The following CACNB2 variants were observed in gnomAD, a reference collection of about 807,000 sequenced individuals.
The protein encoded by CACNB2 is calcium voltage-gated channel auxiliary subunit beta 2.
In CACNB2, 42 loss-of-function variants were observed where a neutral mutation model predicts 73.3. The ratio of observed to expected loss-of-function variants is 0.57; its 90% CI spans 0.45 to 0.74. The LOEUF (loss-of-function observed/expected upper bound fraction) is 0.74, where lower values mean the gene tolerates loss of function less well. Among genes scored for constraint, CACNB2 ranks in the 30% least tolerant of loss-of-function variants. CACNB2 has a pLI of 0.00. For synonymous variants in CACNB2, 348 were observed against 310.3 expected (o/e 1.12, Z -1.28); for missense variants, 940 against 853.0 (o/e 1.10, Z -1.27).
At chr10:18,434,069 C>T (rs1439069767) in intron 3 of CACNB2, among the ~76,000 whole-genome samples, 1 of 152,016 alleles carries the variant, frequency 6.6e-6, no homozygotes, top group Non-Finnish European at 1.5e-5. Flanking sequence ...ATGTTTTATA[C>T]AGAAAAACCA....
chr10:18,401,153 C>T (rs1204215493), intron 2 of CACNB2: 2 of 1,608,650 alleles, frequency 1.2e-6, no homozygotes, highest in Non-Finnish European at 1.7e-6. Flanking sequence ...CTCTGCTTTT[C>T]TGTTGTTGCA....
At chr10:18,410,021 C>T (rs2044528767) in intron 3 of CACNB2, among the ~76,000 whole-genome samples, 1 of 152,020 alleles carries the variant, frequency 6.6e-6, no homozygotes, top group South Asian at 2.1e-4. Context: ...CTGATAAGTC[C>T]AATGTCCAGT....
At chr10:18,441,163 G>A (rs1175750655) in intron 3 of CACNB2, among the ~76,000 whole-genome samples, 1 of 152,034 alleles carries the variant, frequency 6.6e-6, no homozygotes, top group African/African-American at 2.4e-5. Flanking sequence ...CCAGCACTTT[G>A]GGAGGCCAAG....
intron 2 of CACNB2, among the ~76,000 whole-genome samples, chr10:18,251,074 A>C (rs192639188): frequency 7.9e-5 from 12 of 152,290 alleles, no homozygotes; most frequent in Non-Finnish European, 1.5e-4. Flanking sequence ...TATTTATCTG[A>C]AGCTCATTGA....
At chr10:18,397,333 C>CG (rs1384904510) in intron 2 of CACNB2, among the ~76,000 whole-genome samples, 6 of 151,976 alleles carry the variant, frequency 3.9e-5, no homozygotes, top group Non-Finnish European at 7.4e-5. Flanking sequence ...GGCCTGGTGG[C>CG]GCATGCCTGT....
chr10:18,258,320 G>T (rs935526341), intron 2 of CACNB2, among the ~76,000 whole-genome samples: 1 of 152,066 alleles, frequency 6.6e-6, no homozygotes, highest in Non-Finnish European at 1.5e-5. Flanking sequence ...ATCATAGAGG[G>T]GATAGATCAT....
rs76353950 is a variant in CACNB2 at position 18,339,704 on chromosome 10, G to A, written c.214-62220G>A. Among the ~76,000 whole-genome samples, 223 of 152,272 alleles carry A rather than the reference G, an allele frequency of 1.5e-3. 1 individual carries two copies. Among genetic ancestry groups the A allele is most frequent in the African/African-American group, 5.2e-3 (215 of 41,552 alleles). ...GCACAAAAGCAGCCATGGAGCATAC[G>A]TAAATGAACAAGCCCGTATGTTCCA... is the stretch of plus-strand genomic sequence containing the variant. On this transcript the variant is annotated intron_variant, in intron 2 of 13. Coordinates refer to ENST00000324631, the MANE Select transcript of CACNB2 (RefSeq NM_201596.3).
At chr10:18,492,314 A>C (rs1176229770) in intron 3 of CACNB2, among the ~76,000 whole-genome samples, 1 of 152,164 alleles carries the variant, frequency 6.6e-6, no homozygotes, top group African/African-American at 2.4e-5. Context: ...AGAACACTGT[A>C]AACAAAGTGA....
chr10:18,323,469 A>G lies in CACNB2; in HGVS notation c.214-78455A>G, dbSNP rs150526735. 6.8e-4 allele frequency among the ~76,000 whole-genome samples: 104 copies of G among 152,156 alleles called. 1 individual carries two copies. The Middle Eastern group carries it at 0.01, about 15-fold the overall frequency. ...ATTCCATTTTAGAACCTATATCACA[A>G]TTTATCCACTAAATGTTGGTGAACA... On this transcript the variant is annotated intron_variant, in intron 2 of 13. Transcript: ENST00000324631.
intron 2 of CACNB2, chr10:18,401,040 C>G: frequency 1.2e-6 from 2 of 1,614,144 alleles, no homozygotes; most frequent in Non-Finnish European, 1.7e-6. Context: ...TCATGAAGGC[C>G]ACCTGGATCA....
At chr10:18,402,114 T>C in intron 3 of CACNB2, 71 bp downstream of exon 3, 1 of 1,524,084 alleles carries the variant, frequency 6.6e-7, no homozygotes, top group South Asian at 1.1e-5. Context: ...CCTGTGGGAG[T>C]TTCCCCTAAA....
intron 2 of CACNB2, among the ~76,000 whole-genome samples, chr10:18,397,457 T>A (rs1564503384): frequency 6.6e-6 from 1 of 151,252 alleles, no homozygotes; most frequent in East Asian, 1.9e-4. Flanking sequence ...AGAGTGAGAC[T>A]ATCTCAAAAA....
rs549172966 is a variant in CACNB2 at position 18,327,320 on chromosome 10, A to G, written c.214-74604A>G. On this transcript the variant is annotated intron_variant, in intron 2 of 13. Transcript: ENST00000324631. ...ATAAAAATAACATGATTTTATTTCT[A>G]TTTATTTCTTCAGCCTCCAAAAATA... Among the ~76,000 whole-genome samples, 68 of 152,242 alleles carry G rather than the reference A, an allele frequency of 4.5e-4. No homozygotes were observed. In the South Asian group the frequency reaches 0.012, roughly 27 times the overall value.
intron 2 of CACNB2, among the ~76,000 whole-genome samples, chr10:18,358,500 C>G (rs564379141): frequency 5.1e-4 from 11 of 21,706 alleles, no homozygotes; most frequent in African/African-American, 2.1e-3. Flanking sequence ...TGAGCACGCT[C>G]TCTCTCTCTC....
chr10:18,165,576 C>T (rs1016108413), intron 2 of CACNB2, among the ~76,000 whole-genome samples: 4 of 152,214 alleles, frequency 2.6e-5, no homozygotes, highest in Admixed American at 6.5e-5. Context: ...CCATGCCCAG[C>T]TAATTTTTGT....
At chr10:18,384,754 CAAAA>C (rs67797223) in intron 2 of CACNB2, among the ~76,000 whole-genome samples, 1 of 145,492 alleles carries the variant, frequency 6.9e-6, no homozygotes, top group Non-Finnish European at 1.5e-5. Context: ...AAACAAAAAA[CAAAA>C]AAAACCCACA....
intron 2 of CACNB2, among the ~76,000 whole-genome samples, chr10:18,334,766 C>T (rs1262932308): frequency 6.6e-6 from 1 of 152,126 alleles, no homozygotes; most frequent in Non-Finnish European, 1.5e-5. Context: ...CACCCCCATT[C>T]GAGAACCACT....
At chr10:18,422,340 T>C (rs962807972) in intron 3 of CACNB2, among the ~76,000 whole-genome samples, 3 of 152,230 alleles carry the variant, frequency 2.0e-5, no homozygotes, top group African/African-American at 7.2e-5. Context: ...CACCTGTGGG[T>C]TGCAGAAGGG....
At chr10:18,514,929 A>G in intron 7 of CACNB2, 1 of 1,323,742 alleles carries the variant, frequency 7.6e-7, no homozygotes, top group Admixed American at 1.7e-5. Context: ...TACTAAAAAA[A>G]AAAGTATTCA....
Sources: gnomAD v4.1 joint callset for allele counts (sites outside exome capture counted in the v4.1 genomes callset) on GRCh38, gnomAD v4.1.1 for gene constraint, MANE v1.5 for transcripts, NCBI Gene and HGNC (gene_info 2026-07-23, HGNC 2026-07-21) for gene names.